Variants in EFCAB13 observed in about 807,000 individuals in gnomAD.
EFCAB13 encodes EF-hand calcium-binding domain-containing protein 13.
EFCAB13 carries 91 observed loss-of-function variants against 110.2 expected under a neutral mutation model. That is an observed-to-expected ratio of 0.83 (90% CI 0.70 to 0.98). The LOEUF is 0.98. Ranked by LOEUF, EFCAB13 falls within the 50% of genes least tolerant of loss-of-function variation. The pLI is 0.00. For synonymous variants in EFCAB13, 323 were observed against 369.9 expected (o/e 0.87, Z 1.45); for missense variants, 968 against 1,119.4 (o/e 0.86, Z 1.93).
chr17:47,404,762 G>C (rs952845264), intron 20 of EFCAB13, 129 bp downstream of exon 20: 5 of 505,012 alleles, frequency 9.9e-6, no homozygotes, highest in Non-Finnish European at 1.7e-5. Flanking sequence ...TGCTTCATGT[G>C]TACTTGAACA....
intron 2 of EFCAB13, among the ~76,000 whole-genome samples, chr17:47,324,871 G>C (rs1481068676): frequency 6.8e-6 from 1 of 148,092 alleles, no homozygotes; most frequent in Non-Finnish European, 1.5e-5. Flanking sequence ...CTACTGGCTG[G>C]GTTCAATTTC....
At chr17:47,402,944 GTGGAGCAT>G (rs2065786464) in intron 18 of EFCAB13, among the ~76,000 whole-genome samples, 1 of 152,202 alleles carries the variant, frequency 6.6e-6, no homozygotes, top group South Asian at 2.1e-4. Context: ...CTTACAGTAT[GTGGAGCAT>G]GGGAGGATGA....
At chr17:47,370,774 T>C (rs901899862) in intron 11 of EFCAB13, among the ~76,000 whole-genome samples, 1 of 148,322 alleles carries the variant, frequency 6.7e-6, no homozygotes, top group African/African-American at 2.5e-5. Context: ...GGAGTTTTGC[T>C]CTTGTTGCCC....
intron 3 of EFCAB13, chr17:47,328,063 A>G (rs1401271640): frequency 2.1e-6 from 1 of 470,116 alleles, no homozygotes; most frequent in Non-Finnish European, 3.8e-6. Flanking sequence ...AAACCACAAA[A>G]GGTAAAGTTA....
intron 4 of EFCAB13, among the ~76,000 whole-genome samples, chr17:47,332,495 G>T (rs1390889679): frequency 2.0e-5 from 3 of 151,710 alleles, no homozygotes; most frequent in South Asian, 2.1e-4. Context: ...ACTAAAACTT[G>T]TTCCTCCAGT....
At chr17:47,381,790 G>A (rs527707584) in intron 14 of EFCAB13, among the ~76,000 whole-genome samples, 53 of 152,068 alleles carry the variant, frequency 3.5e-4, no homozygotes, top group South Asian at 6.2e-4. Flanking sequence ...GTCAGGTAGC[G>A]TGATACCTCT....
At chr17:47,346,234 C>T (rs1161763546) in intron 8 of EFCAB13, among the ~76,000 whole-genome samples, 1 of 152,142 alleles carries the variant, frequency 6.6e-6, no homozygotes, top group African/African-American at 2.4e-5. Context: ...CAGGCAACTA[C>T]AATTCTATTC....
At chr17:47,354,841 T>C (rs1307378378) in intron 9 of EFCAB13, among the ~76,000 whole-genome samples, 2 of 152,208 alleles carry the variant, frequency 1.3e-5, no homozygotes, top group Non-Finnish European at 2.9e-5. Context: ...CTCTGTCTTT[T>C]AAGTGGAGCA....
intron 24 of EFCAB13, among the ~76,000 whole-genome samples, chr17:47,438,475 G>T (rs1905251873): frequency 1.3e-5 from 2 of 151,042 alleles, no homozygotes; most frequent in South Asian, 4.2e-4. Flanking sequence ...ACTTCTTGGA[G>T]GCTTTCTTCA....
At chr17:47,357,807 G>A (rs938510286) in intron 9 of EFCAB13, among the ~76,000 whole-genome samples, 1 of 152,202 alleles carries the variant, frequency 6.6e-6, no homozygotes, top group African/African-American at 2.4e-5. Flanking sequence ...TGTAAGTTGA[G>A]TTCCAGACAG....
chr17:47,421,641 G>GAAAAAAAA (rs375256582), intron 23 of EFCAB13, among the ~76,000 whole-genome samples: 1 of 129,394 alleles, frequency 7.7e-6, no homozygotes, highest in Non-Finnish European at 1.6e-5. Flanking sequence ...AAGAAAGAAA[G>GAAAAAAAA]AAAAAAAAAA....
At chr17:47,405,054 C>G (rs554470476) in intron 20 of EFCAB13, among the ~76,000 whole-genome samples, 1 of 152,200 alleles carries the variant, frequency 6.6e-6, no homozygotes, top group South Asian at 2.1e-4. Flanking sequence ...TTCTTTACAT[C>G]TGTCCATAAT....
intron 23 of EFCAB13, 149 bp from the exon 24 acceptor site, chr17:47,429,669 T>A: frequency 2.0e-6 from 2 of 1,007,392 alleles, no homozygotes; most frequent in Admixed American, 3.1e-5. Flanking sequence ...TGTAATACAC[T>A]CTGGTTTTTA....
intron 23 of EFCAB13, among the ~76,000 whole-genome samples, chr17:47,426,637 T>C (rs894560058): frequency 6.6e-6 from 1 of 152,206 alleles, no homozygotes; most frequent in Admixed American, 6.5e-5. Context: ...AATTTTGCTT[T>C]CTATGGAAAT....
At chr17:47,437,126 G>A (rs1273540300) in intron 24 of EFCAB13, among the ~76,000 whole-genome samples, 4 of 152,030 alleles carry the variant, frequency 2.6e-5, no homozygotes, top group African/African-American at 9.7e-5. Context: ...CAGAGAGAGT[G>A]CTTGATATAA....
intron 16 of EFCAB13, among the ~76,000 whole-genome samples, chr17:47,395,527 A>G (rs1248980123): frequency 6.6e-6 from 1 of 152,200 alleles, no homozygotes; most frequent in East Asian, 1.9e-4. Context: ...TGTATTATCA[A>G]TTGAAAATGT....
At chr17:47,376,415 C>T (rs1377066025) in intron 12 of EFCAB13, among the ~76,000 whole-genome samples, 2 of 152,096 alleles carry the variant, frequency 1.3e-5, no homozygotes, top group African/African-American at 4.8e-5. Context: ...CTACCTTTCT[C>T]GTGTCACTAA....
chr17:47,359,238 G>A (rs1337067286), intron 9 of EFCAB13, among the ~76,000 whole-genome samples: 1 of 152,154 alleles, frequency 6.6e-6, no homozygotes, highest in East Asian at 1.9e-4. Flanking sequence ...ACAGGCTGAG[G>A]TGGGAGAATC....
At chr17:47,352,998 C>T (rs1190659957) in intron 9 of EFCAB13, among the ~76,000 whole-genome samples, 1 of 152,070 alleles carries the variant, frequency 6.6e-6, no homozygotes, top group East Asian at 1.9e-4. Flanking sequence ...AGGGTTTTCT[C>T]AGTATAAGAT....
Sources: gnomAD v4.1 joint callset for allele counts (sites outside exome capture counted in the v4.1 genomes callset) on GRCh38, gnomAD v4.1.1 for gene constraint, MANE v1.5 for transcripts, NCBI Gene and HGNC (gene_info 2026-07-23, HGNC 2026-07-21) for gene names.